KIAA1328: variants seen among roughly 807,000 people sequenced by gnomAD.
The protein encoded by KIAA1328 is KIAA1328, also known as protein hinderin.
KIAA1328 carries 52 observed loss-of-function variants against 68.1 expected under a neutral mutation model. The observed-to-expected ratio is 0.76, with a 90% CI of 0.61 to 0.96. The LOEUF is 0.96. Ranked by LOEUF, KIAA1328 falls within the 40% of genes least tolerant of loss-of-function variation. The pLI is 0.00. For synonymous variants in KIAA1328, 232 were observed against 239.4 expected (o/e 0.97, Z 0.28); for missense variants, 641 against 677.6 (o/e 0.95, Z 0.60).
intron 9 of KIAA1328, among the ~76,000 whole-genome samples, chr18:37,179,119 G>T (rs994380406): frequency 6.6e-6 from 1 of 152,074 alleles, no homozygotes; most frequent in Non-Finnish European, 1.5e-5. Flanking sequence ...GTGCTTTTGA[G>T]GCTATATCCA....
intron 7 of KIAA1328, chr18:37,074,937 A>G (rs1214959372): frequency 2.6e-5 from 4 of 152,096 alleles, no homozygotes; most frequent in Non-Finnish European, 5.9e-5. Context: ...AACTTCCCCA[A>G]TCTAGCAAGG....
chr18:36,855,132 T>C (rs2047341374), intron 4 of KIAA1328, among the ~76,000 whole-genome samples: 1 of 152,200 alleles, frequency 6.6e-6, no homozygotes, highest in Non-Finnish European at 1.5e-5. Flanking sequence ...TACAAGGATT[T>C]GTTTTGAGTA....
At chr18:36,859,244 C>A (rs1248276543) in intron 4 of KIAA1328, among the ~76,000 whole-genome samples, 1 of 151,960 alleles carries the variant, frequency 6.6e-6, no homozygotes, top group East Asian at 1.9e-4. Flanking sequence ...ATTCTTGTTT[C>A]ATTATGTCTC....
intron 5 of KIAA1328, among the ~76,000 whole-genome samples, chr18:36,891,174 A>G (rs918631133): frequency 7.9e-5 from 12 of 152,230 alleles, no homozygotes; most frequent in African/African-American, 2.9e-4. Context: ...ATTGGAGCCC[A>G]CGCCTCATAC....
At chr18:36,836,930 T>C (rs2046694567) in intron 3 of KIAA1328, among the ~76,000 whole-genome samples, 1 of 152,166 alleles carries the variant, frequency 6.6e-6, no homozygotes, top group South Asian at 2.1e-4. Flanking sequence ...AGCATAATGA[T>C]TTCAAGGTTC....
intron 9 of KIAA1328, among the ~76,000 whole-genome samples, chr18:37,217,086 G>A (rs1041306893): frequency 2.7e-5 from 4 of 149,022 alleles, no homozygotes; most frequent in African/African-American, 1.0e-4. Flanking sequence ...TGAGTCTCCT[G>A]AATACAGCAC....
At chr18:37,065,967 A>G (rs1195576011) in intron 6 of KIAA1328, among the ~76,000 whole-genome samples, 2 of 152,196 alleles carry the variant, frequency 1.3e-5, no homozygotes, top group South Asian at 2.1e-4. Context: ...GTTCCATGAT[A>G]TAGACCAATA....
intron 4 of KIAA1328, among the ~76,000 whole-genome samples, chr18:36,855,918 T>TCAG (rs1568082250): frequency 6.6e-6 from 1 of 152,044 alleles, no homozygotes; most frequent in East Asian, 1.9e-4. Context: ...TTGTCCCAGC[T>TCAG]CTCCTTTCAT....
intron 6 of KIAA1328, among the ~76,000 whole-genome samples, chr18:36,990,801 G>A (rs1042695638): frequency 6.6e-6 from 1 of 151,842 alleles, no homozygotes; most frequent in Non-Finnish European, 1.5e-5. Flanking sequence ...CCCTAAAATG[G>A]AAATGCACAC....
chr18:36,946,336 T>A (rs2050899073), intron 5 of KIAA1328: 1 of 152,198 alleles, frequency 6.6e-6, no homozygotes, highest in Admixed American at 6.5e-5. Context: ...ATGTATTACA[T>A]TTCAACATAA....
chr18:37,141,113 GC>G (rs1488739136), intron 7 of KIAA1328, among the ~76,000 whole-genome samples: 2 of 152,116 alleles, frequency 1.3e-5, no homozygotes, highest in African/African-American at 4.8e-5. Context: ...AATATAACTT[GC>G]ATTCAGTGAA....
chr18:36,955,572 T>C (rs1185615477), intron 5 of KIAA1328, among the ~76,000 whole-genome samples: 1 of 152,054 alleles, frequency 6.6e-6, no homozygotes, highest in Non-Finnish European at 1.5e-5. Context: ...CCTCCCAAAG[T>C]GCTGGGATTA....
At chr18:36,989,250 A>G (rs1193675403) in intron 6 of KIAA1328, among the ~76,000 whole-genome samples, 1 of 152,178 alleles carries the variant, frequency 6.6e-6, no homozygotes, top group African/African-American at 2.4e-5. Flanking sequence ...GAGGTTGGTG[A>G]AAAAAAGATT....
At chr18:37,114,298 T>A (rs1029635542) in intron 7 of KIAA1328, among the ~76,000 whole-genome samples, 2 of 152,102 alleles carry the variant, frequency 1.3e-5, no homozygotes, top group African/African-American at 4.8e-5. Context: ...ACAGAAAGTA[T>A]AACAAACTGT....
intron 5 of KIAA1328, among the ~76,000 whole-genome samples, chr18:36,940,006 A>T (rs1225079811): frequency 8.9e-5 from 7 of 79,024 alleles, no homozygotes; most frequent in East Asian, 1.1e-3. Flanking sequence ...AAATAGTTGA[A>T]TTTTTTTATC....
chr18:36,904,114 G>C (rs986225937), intron 5 of KIAA1328, among the ~76,000 whole-genome samples: 5 of 151,996 alleles, frequency 3.3e-5, no homozygotes, highest in South Asian at 2.1e-4. Flanking sequence ...TTGTAGCTTT[G>C]GATGATGATG....
intron 6 of KIAA1328, among the ~76,000 whole-genome samples, chr18:37,019,661 A>G (rs1241095143): frequency 6.6e-6 from 1 of 152,198 alleles, no homozygotes; most frequent in Non-Finnish European, 1.5e-5. Context: ...GGTGTTCCAG[A>G]TGTCTTGACT....
At chr18:37,011,842 G>A (rs2053990824) in intron 6 of KIAA1328, among the ~76,000 whole-genome samples, 1 of 152,030 alleles carries the variant, frequency 6.6e-6, no homozygotes, top group South Asian at 2.1e-4. Context: ...AATTTTTAGT[G>A]TGATGGAATT....
Position 36,988,863 on chromosome 18 carries a change from T to TA in KIAA1328, c.576+29430dup, listed in dbSNP as rs537808400. ...CCTTGGGCAGATTAGTTAACACTGCTAAGTCTCAATTTCCTCATCTGCAAA... is the reference window on the plus strand; with the variant it reads ...CCTTGGGCAGATTAGTTAACACTGCTAAAGTCTCAATTTCCTCATCTGCAAA... On this transcript the variant is annotated intron_variant, in intron 6 of 9. Coordinates refer to ENST00000280020, the MANE Select transcript of KIAA1328 (RefSeq NM_020776.3). Among the ~76,000 whole-genome samples, 193 of 152,288 alleles carry TA rather than the reference T, an allele frequency of 1.3e-3. 1 individual carries two copies. Among genetic ancestry groups the TA allele is most frequent in the South Asian group, 2.3e-3 (11 of 4,826 alleles).
Sources: allele counts gnomAD v4.1 joint callset (sites outside exome capture counted in the v4.1 genomes callset), GRCh38; gene constraint gnomAD v4.1.1; transcripts MANE v1.5; gene names NCBI Gene and HGNC (gene_info 2026-07-23, HGNC 2026-07-21).